The following EREG variants were observed in gnomAD, a reference collection of about 807,000 sequenced individuals.
EREG encodes proepiregulin.
Under a neutral mutation model 22.4 loss-of-function variants are expected in EREG, and 23 were observed. The observed-to-expected ratio is 1.03, with a 90% CI of 0.74 to 1.46. The LOEUF is 1.46. Among genes scored for constraint, EREG ranks in the 40% most tolerant of loss-of-function variants. EREG has a pLI of 0.00. For missense variants in EREG, 226 were observed against 205.9 expected (o/e 1.10, Z -0.60); for synonymous variants, 100 against 75.4 (o/e 1.33, Z -1.69).
In EREG at chr4:74,388,000, G is replaced by A. The variant is rs1482977720; in HGVS notation, c.*3192G>A. 6.6e-6 allele frequency: 1 copy of A among 152,078 alleles called. No individual in the cohort carries two copies. Among genetic ancestry groups the A allele is most frequent in the African/African-American group, 2.4e-5 (1 of 41,392 alleles). 9.4% of individuals were successfully genotyped at this position (152,078 alleles called of 1,614,324 possible). On this transcript the variant is annotated 3_prime_UTR_variant, in exon 5 of 5. Coordinates refer to ENST00000244869, the MANE Select transcript of EREG (RefSeq NM_001432.3). ...GAATATTTTTTGCTCTAATCTCTCT[G>A]CCGAAAGTCAAAGTGATGGGAGAAT...
intron 2 of EREG, among the ~76,000 whole-genome samples, chr4:74,380,578 G>T (rs1013937796): frequency 6.6e-6 from 1 of 152,074 alleles, no homozygotes; most frequent in Non-Finnish European, 1.5e-5. Context: ...ATCCACTGTA[G>T]AATTAAGCTC....
chr4:74,374,844 A>G (rs1452902741), intron 1 of EREG, among the ~76,000 whole-genome samples: 1 of 152,190 alleles, frequency 6.6e-6, no homozygotes, highest in Non-Finnish European at 1.5e-5. Context: ...CATAATCTGA[A>G]AAATGAAGGC....
intron 1 of EREG, among the ~76,000 whole-genome samples, chr4:74,377,872 T>G (rs943554037): frequency 1.3e-5 from 2 of 152,136 alleles, no homozygotes; most frequent in Non-Finnish European, 2.9e-5. Context: ...CCTCCCTCCT[T>G]GGACACATGG....
In EREG at chr4:74,388,234, T is replaced by G. The variant is rs1162210483; in HGVS notation, c.*3426T>G. ...TTGCTCCAATATCCATTCTGTAGAC[T>G]TTTGAAAAAAAAGTTTTTAATTTGA... On this transcript the variant is annotated 3_prime_UTR_variant, in exon 5 of 5. Transcript: ENST00000244869. 1.3e-5 allele frequency: 2 copies of G among 152,128 alleles called. No homozygotes were observed. The highest frequency in any genetic ancestry group is 4.8e-5 in the African/African-American group (2 of 41,450). The allele number at this position is 152,128 out of a possible 1,614,324, so 9.4% of individuals were successfully genotyped here. A position where few individuals can be genotyped will look rare whatever the true frequency, so the allele number is the denominator to read the frequency against.
chr4:74,388,513 G>T lies in EREG; in HGVS notation c.*3705G>T, dbSNP rs778118743. On this transcript the variant is annotated 3_prime_UTR_variant, in exon 5 of 5. Transcript: ENST00000244869. The stretch of plus-strand genomic sequence containing the variant: ...AACGGTTTTTATTAAAGATGCTATG[G>T]AACATAAAGTTGTATTGCATGCAAT... The T allele has an allele frequency of 6.6e-6, 1 of 152,514 alleles. No individual in the cohort carries two copies. Among genetic ancestry groups the T allele is most frequent in the Non-Finnish European group, 1.5e-5 (1 of 67,996 alleles). The allele number at this position is 152,514 out of a possible 1,614,324, so 9.4% of individuals were successfully genotyped here.
rs1448413727 is a variant in EREG, at chr4:74,381,835, AT to A, written c.278+700del. 4.4e-3 allele frequency: 569 copies of A among 128,024 alleles called. 1 individual carries two copies. Among genetic ancestry groups the A allele is most frequent in the Non-Finnish European group, 7.4e-3 (447 of 60,792 alleles). The allele number at this position is 128,024 out of a possible 1,614,324, so 7.9% of individuals were successfully genotyped here. The stretch of plus-strand genomic sequence containing the variant: ...ACTAAAAATACAAAAAAAAAAAAAA[AT>A]TAGCCAGGGGTAGTGGCGGACGCCT... On this transcript the variant is annotated intron_variant, in intron 3 of 4. Coordinates refer to ENST00000244869, the MANE Select transcript of EREG (RefSeq NM_001432.3).
rs1307738979 is a variant in EREG, at chr4:74,381,062, G to A, written c.203G>A (p.Cys68Tyr). 1 of 1,613,694 alleles carries A rather than the reference G, an allele frequency of 6.2e-7. No individual in the cohort carries two copies. Among genetic ancestry groups the A allele is most frequent in the Non-Finnish European group, 8.5e-7 (1 of 1,179,810 alleles). The part of the protein sequence containing the change: ...PRVAQVSITK[C>Y]SSDMNGYCLH... ...GTGGCTCAAGTGTCAATAACAAAGT[G>A]TAGCTCTGACATGAATGGCTATTGT... Residue 68 changes from cysteine (C) to tyrosine (Y), a missense_variant, in exon 3 of 5, where the codon TGT becomes TAT. Physicochemically the swap from Cys to Tyr is radical, Grantham distance 194. Coordinates refer to ENST00000244869, the MANE Select transcript of EREG (RefSeq NM_001432.3).
intron 4 of EREG, among the ~76,000 whole-genome samples, chr4:74,383,327 T>C (rs1305314426): frequency 1.3e-5 from 2 of 152,186 alleles, no homozygotes; most frequent in Non-Finnish European, 2.9e-5. Context: ...GTCACATTTT[T>C]TATTTTATAA....
At chr4:74,369,022 G>A (rs1032298038) in intron 1 of EREG, among the ~76,000 whole-genome samples, 1 of 152,154 alleles carries the variant, frequency 6.6e-6, no homozygotes, top group Non-Finnish European at 1.5e-5. Flanking sequence ...CTAGGTTAAA[G>A]TAATGATTTA....
chr4:74,382,788 G>T lies in EREG; in HGVS notation c.422G>T (p.Cys141Phe), dbSNP rs78803121. 77,952 of 1,610,826 alleles carry T rather than the reference G, an allele frequency of 0.048. 2,211 individuals carry two copies. Among genetic ancestry groups the T allele is most frequent in the Non-Finnish European group, 0.057 (66,775 of 1,178,134 alleles). Residue 141 changes from cysteine to phenylalanine, a missense_variant, in exon 4 of 5, where the codon TGC becomes TTC. Transcript: ENST00000244869. Reference protein sequence around the residue: ...ITVVGSTYYFCRWYRNRKSKE... With the variant: ...ITVVGSTYYFFRWYRNRKSKE... Reference sequence around the variant, plus strand: ...GTCGTCGGTTCCACATATTATTTCTGCAGATGGTAAGTCAGTGTGGTTTTA... The same window carrying T: ...GTCGTCGGTTCCACATATTATTTCTTCAGATGGTAAGTCAGTGTGGTTTTA...
rs1752554219 is a variant in EREG, at chr4:74,385,431, C to A, written c.*623C>A. The stretch of plus-strand genomic sequence containing the variant: ...GTTATATGAGGGGCAGTGGACAGTT[C>A]CCTATGCCAACTCACGACTCCTACA... On this transcript the variant is annotated 3_prime_UTR_variant, in exon 5 of 5. Coordinates refer to ENST00000244869, the MANE Select transcript of EREG (RefSeq NM_001432.3). 1 of 153,786 alleles carries A rather than the reference C, an allele frequency of 6.5e-6. No homozygotes were observed. The highest frequency in any genetic ancestry group is 1.9e-4 in the East Asian group (1 of 5,236). The allele number at this position is 153,786 out of a possible 1,614,324, so 9.5% of individuals were successfully genotyped here. A position where few individuals can be genotyped will look rare whatever the true frequency, so the allele number is the denominator to read the frequency against.
intron 1 of EREG, among the ~76,000 whole-genome samples, chr4:74,367,844 A>G (rs1355534490): frequency 1.3e-5 from 2 of 152,156 alleles, no homozygotes; most frequent in Non-Finnish European, 2.9e-5. Context: ...AGCTTGGGTA[A>G]TTGGGGTGTC....
Position 74,365,266 on chromosome 4 carries a change from G to A in EREG, c.-43G>A, listed in dbSNP as rs774735616. The A allele has an allele frequency of 8.4e-6, 13 of 1,543,668 alleles. No individual in the cohort carries two copies. In the Admixed American group the frequency reaches 2.0e-4, roughly 24 times the overall value. ...CTCCCGCCCTGCCCGTGCACTCTCC[G>A]CAGCCGCCCTCCGCCAAGCCCCAGC... is the stretch of plus-strand genomic sequence containing the variant. On this transcript the variant is annotated 5_prime_UTR_variant, in exon 1 of 5. Coordinates refer to ENST00000244869, the MANE Select transcript of EREG (RefSeq NM_001432.3).
chr4:74,382,693 C>G lies in EREG; in HGVS notation c.327C>G (p.Thr109=), dbSNP rs754153292. ...TCCGATGTGAACACTTCTTTTTAAC[C>G]GTCCACCAACCTTTAAGCAAAGAAT... ...TGVRCEHFFL[T]VHQPLSKEYV... The change falls in exon 4 of 5, where the codon ACC becomes ACG. Residue 109 remains threonine, a synonymous_variant. Coordinates refer to ENST00000244869, the MANE Select transcript of EREG (RefSeq NM_001432.3). The G allele has an allele frequency of 3.7e-6, 6 of 1,612,910 alleles. No individual in the cohort carries two copies. The South Asian group carries it at 4.4e-5, about 12-fold the overall frequency.
chr4:74,369,240 C>G (rs937134734), intron 1 of EREG, among the ~76,000 whole-genome samples: 4 of 151,964 alleles, frequency 2.6e-5, no homozygotes, highest in African/African-American at 9.7e-5. Context: ...TTTAGTGCGC[C>G]TATCACCTGA....
intron 3 of EREG, 69 bp downstream of exon 3, chr4:74,381,206 A>T: frequency 7.3e-7 from 1 of 1,375,896 alleles, no homozygotes; most frequent in Non-Finnish European, 1.0e-6. Flanking sequence ...GTACAAGTGC[A>T]GATTTGCTAG....
chr4:74,371,245 G>GA (rs1246186113), intron 1 of EREG, among the ~76,000 whole-genome samples: 2 of 152,020 alleles, frequency 1.3e-5, no homozygotes, highest in African/African-American at 2.4e-5. Flanking sequence ...TCACAGTTTG[G>GA]AAAATTAGTG....
intron 1 of EREG, among the ~76,000 whole-genome samples, chr4:74,376,563 C>T (rs559868930): frequency 6.6e-6 from 1 of 152,346 alleles, no homozygotes; most frequent in South Asian, 2.1e-4. Context: ...GTTTTCAACT[C>T]TGTTCAACTG....
At chr4:74,370,110 T>C (rs1578816658) in intron 1 of EREG, among the ~76,000 whole-genome samples, 1 of 152,218 alleles carries the variant, frequency 6.6e-6, no homozygotes, top group African/African-American at 2.4e-5. Context: ...AGTCACTCTT[T>C]ACTTTTGGTG....
Sources: gnomAD v4.1 joint callset for allele counts (sites outside exome capture counted in the v4.1 genomes callset) on GRCh38, gnomAD v4.1.1 for gene constraint, MANE v1.5 for transcripts, NCBI Gene and HGNC (gene_info 2026-07-23, HGNC 2026-07-21) for gene names.